VPS37A: variants seen among roughly 807,000 people sequenced by gnomAD.
VPS37A encodes VPS37A subunit of ESCRT-I, also known as vacuolar protein sorting-associated protein 37A.
Under a neutral mutation model 49.8 loss-of-function variants are expected in VPS37A, and 30 were observed. The ratio of observed to expected loss-of-function variants is 0.60; its 90% confidence interval spans 0.45 to 0.82. The LOEUF (loss-of-function observed/expected upper bound fraction) is 0.82, where lower values mean the gene tolerates loss of function less well. VPS37A is among the 40% of genes least tolerant of loss of function. VPS37A has a pLI of 0.00. For missense variants in VPS37A, 593 were observed against 464.4 expected, an observed-to-expected ratio of 1.28 and a Z score of -2.55; for synonymous variants, 195 against 160.6, an observed-to-expected ratio of 1.21 and a Z score of -1.62.
the VPS37A span, among the ~76,000 whole-genome samples, chr8:17,321,201 G>A: frequency 7.2e-5 from 11 of 152,294 alleles, no homozygotes; most frequent in African/African-American, 2.2e-4. Flanking sequence ...TAAAAATAAA[G>A]ACACTGGGCT....
intron 1 of VPS37A, among the ~76,000 whole-genome samples, chr8:17,252,343 T>C (rs1350779890): frequency 6.6e-6 from 1 of 151,964 alleles, no homozygotes; most frequent in East Asian, 1.9e-4. Context: ...TTTGTTGTTG[T>C]TGTTGTTGTT....
the VPS37A span, among the ~76,000 whole-genome samples, chr8:17,331,753 C>T: frequency 6.6e-6 from 1 of 152,160 alleles, no homozygotes; most frequent in African/African-American, 2.4e-5. Context: ...ATGGTTGCAT[C>T]ATTCTAATTT....
intron 4 of VPS37A, 80 bp downstream of exon 4, chr8:17,269,036 A>G (rs1813734349): frequency 9.8e-7 from 1 of 1,024,696 alleles, no homozygotes; most frequent in Admixed American, 3.1e-5. Context: ...AATTCAAATG[A>G]TGTTAAAAAT....
At chr8:17,328,946 C>T in the VPS37A span, among the ~76,000 whole-genome samples, 1 of 151,768 alleles carries the variant, frequency 6.6e-6, no homozygotes, top group Admixed American at 6.6e-5. Flanking sequence ...CTATAGAGGA[C>T]CTACACAGGA....
chr8:17,279,523 A>C lies in VPS37A; in HGVS notation c.714-505A>C, dbSNP rs146601515. The stretch of plus-strand genomic sequence containing the variant: ...ATAAATAGCTTAAATTTTACATATC[A>C]GTAAGTCTGGTTCCTATCAGGGAAA... On this transcript the variant is annotated intron_variant, in intron 6 of 11. Transcript: ENST00000324849. Among the ~76,000 whole-genome samples, 482 of 152,238 alleles carry C rather than the reference A, an allele frequency of 3.2e-3. 4 individuals carry two copies. Among genetic ancestry groups the C allele is most frequent in the African/African-American group, 0.011 (452 of 41,558 alleles).
At chr8:17,247,709 C>A in intron 1 of VPS37A, 2 of 702,704 alleles carry the variant, frequency 2.8e-6, no homozygotes, top group Non-Finnish European at 5.2e-6. Context: ...TTCCCTTTGC[C>A]CACCTGATTG....
intron 1 of VPS37A, among the ~76,000 whole-genome samples, chr8:17,264,486 G>A (rs531404480): frequency 3.9e-5 from 6 of 152,204 alleles, no homozygotes; most frequent in Admixed American, 6.5e-5. Flanking sequence ...TTTCTTAATC[G>A]TTTTTTCTAA....
At chr8:17,313,941 C>T in the VPS37A span, among the ~76,000 whole-genome samples, 1 of 152,144 alleles carries the variant, frequency 6.6e-6, no homozygotes, top group East Asian at 1.9e-4. Context: ...GGAGTAAGGC[C>T]TGTAAGCTTA....
chr8:17,259,929 T>C (rs1812818604), intron 1 of VPS37A, among the ~76,000 whole-genome samples: 1 of 152,166 alleles, frequency 6.6e-6, no homozygotes, highest in South Asian at 2.1e-4. Flanking sequence ...AATATCTTTT[T>C]CTACTCCTTC....
chr8:17,325,568 G>T, the VPS37A span, among the ~76,000 whole-genome samples: 2 of 152,098 alleles, frequency 1.3e-5, no homozygotes, highest in African/African-American at 4.8e-5. Context: ...CCGTACGATC[G>T]CCCACATGCC....
At chr8:17,304,656 C>T (rs1586138450), downstream of VPS37A, 3 of 822,376 alleles carry the variant, frequency 3.6e-6, 1 homozygote, top group South Asian at 5.3e-5. Flanking sequence ...GTAAATGTAT[C>T]ATCTTGGTGA....
At chr8:17,253,329 C>G (rs981868575) in intron 1 of VPS37A, among the ~76,000 whole-genome samples, 1 of 152,214 alleles carries the variant, frequency 6.6e-6, no homozygotes, top group Non-Finnish European at 1.5e-5. Context: ...CTTTTTCCCT[C>G]TGCCTTTTCT....
Position 17,274,887 on chromosome 8 carries a change from C to T in VPS37A, c.571C>T (p.Pro191Ser). The T allele has an allele frequency of 6.2e-7, 1 of 1,614,146 alleles. No homozygotes were observed. Among genetic ancestry groups the T allele is most frequent in the Non-Finnish European group, 8.5e-7 (1 of 1,180,020 alleles). ...AACAACAAGTCATACCACAGCCAAGCCTGCCGCTCCTTCATTTGGTGTCCT... is the reference window on the plus strand; with the variant it reads ...AACAACAAGTCATACCACAGCCAAGTCTGCCGCTCCTTCATTTGGTGTCCT... ...SSTTSHTTAK[P>S]AAPSFGVLSN... Residue 191 changes from proline to serine, a missense_variant, in exon 5 of 12, where the codon CCT (proline) becomes TCT (serine). By Grantham distance (74) the Pro-to-Ser change is moderately conservative (BLOSUM62 -1). Coordinates refer to ENST00000324849, the MANE Select transcript of VPS37A (RefSeq NM_152415.3).
At chr8:17,248,102 G>C (rs980142142) in intron 1 of VPS37A, 19 of 363,576 alleles carry the variant, frequency 5.2e-5, no homozygotes, top group African/African-American at 3.4e-4. Flanking sequence ...ACTGTAAATT[G>C]GTTTGCTGCA....
At chr8:17,274,629 C>A (rs868424780) in intron 4 of VPS37A, 104 bp from the exon 5 acceptor site, 2 of 751,796 alleles carry the variant, frequency 2.7e-6, no homozygotes, top group African/African-American at 3.5e-5. Flanking sequence ...TATAACATTT[C>A]ATCTATATAG....
Position 17,247,174 on chromosome 8 carries a change from C to T in VPS37A, c.-71C>T, listed in dbSNP as rs1050556978. 6 of 1,546,354 alleles carry T rather than the reference C, an allele frequency of 3.9e-6. No homozygotes were observed. The African/African-American group carries it at 6.9e-5, about 18-fold the overall frequency. On this transcript the variant is annotated 5_prime_UTR_variant, in exon 1 of 12. Transcript: ENST00000324849. ...ACCCCGCTCCTCTGTCGCTGGAGAA[C>T]CGCCGGGCCGAGCCACTGGGAGAAG...
the VPS37A span, among the ~76,000 whole-genome samples, chr8:17,330,623 C>T: frequency 2.6e-5 from 4 of 152,118 alleles, no homozygotes; most frequent in East Asian, 1.9e-4. Flanking sequence ...TCTGTGGGTA[C>T]GTGTCTTGTC....
chr8:17,260,661 C>G (rs1463956099), intron 1 of VPS37A, among the ~76,000 whole-genome samples: 1 of 152,094 alleles, frequency 6.6e-6, no homozygotes, highest in Non-Finnish European at 1.5e-5. Context: ...ATTCTCCATG[C>G]TTTTATTTAT....
intron 1 of VPS37A, among the ~76,000 whole-genome samples, chr8:17,261,737 G>C (rs1037913609): frequency 1.3e-5 from 2 of 152,192 alleles, no homozygotes; most frequent in Non-Finnish European, 2.9e-5. Flanking sequence ...TAATGGGGGA[G>C]CTCCCAAAGG....
Sources: allele counts gnomAD v4.1 joint callset (sites outside exome capture counted in the v4.1 genomes callset), GRCh38; gene constraint gnomAD v4.1.1; transcripts MANE v1.5; gene names NCBI Gene and HGNC (gene_info 2026-07-23, HGNC 2026-07-21).